The following BTBD18 variants were observed in gnomAD, a reference collection of about 807,000 sequenced individuals.
BTBD18 encodes BTB/POZ domain-containing protein 18.
For missense variants in BTBD18, 787 were observed against 846.3 expected, an observed-to-expected ratio of 0.93 and a Z score of 0.87; for synonymous variants, 311 against 324.4, an observed-to-expected ratio of 0.96 and a Z score of 0.44.
chr11:57,744,240 T>C lies in BTBD18; in HGVS notation c.2033A>G (p.Asp678Gly). ...LPASSEEEEI[D>G]VVDWTAEGRL... The stretch of plus-strand genomic sequence containing the variant: ...CCCCTCTGCTGTCCAGTCCACCACA[T>C]CAATCTCTTCCTCTTCAGAGCTGGC... The change falls in exon 3 of 3, where the codon GAT (aspartate) becomes GGT (glycine). Residue 678 changes from aspartate (D) to glycine (G), a missense_variant. Asp to Gly is a moderately conservative substitution (Grantham distance 94). Coordinates refer to ENST00000422652, the MANE Select transcript of BTBD18 (RefSeq NM_001145101.3). 6.4e-7 allele frequency: 1 copy of C among 1,551,652 alleles called. No homozygotes were observed. Among genetic ancestry groups the C allele is most frequent in the East Asian group, 2.4e-5 (1 of 40,906 alleles).
chr11:57,747,277 C>G (rs1242646175), intron 2 of BTBD18, among the ~76,000 whole-genome samples: 2 of 152,176 alleles, frequency 1.3e-5, no homozygotes, highest in African/African-American at 2.4e-5. Context: ...AGATCTCTTT[C>G]CTGAGGGAGT....
At position 57,744,919 on chromosome 11, in the gene BTBD18, G is replaced by A; in HGVS notation, c.1354C>T (p.Leu452=). 6.4e-7 allele frequency: 1 copy of A among 1,551,556 alleles called. No individual in the cohort carries two copies. The highest frequency in any genetic ancestry group is 1.2e-5 in the South Asian group (1 of 84,038). ...VKSEFESSPE[L]VEKEPMLAID... The stretch of plus-strand genomic sequence containing the variant: ...GCCAACATAGGTTCCTTCTCTACCA[G>A]TTCTGGACTGGACTCAAACTCTGAC... Residue 452 remains leucine (L), a synonymous_variant, in exon 3 of 3, where the codon CTG becomes TTG. Transcript: ENST00000422652.
In BTBD18 at chr11:57,745,355, T is replaced by G; in HGVS notation, c.918A>C (p.Glu306Asp). 6.4e-7 allele frequency: 1 copy of G among 1,551,710 alleles called. No individual in the cohort carries two copies. The highest frequency in any genetic ancestry group is 1.4e-5 in the African/African-American group (1 of 73,152). ...CTGGTTTTGGCTTGTCCTCTGGTGT[T>G]TCTTTATTTACACTCCTCTGCCGCC... is the stretch of plus-strand genomic sequence containing the variant. ...RLWRQRSVNK[E>D]TPEDKPKPGR... The change falls in exon 3 of 3, where the codon GAA (glutamate) becomes GAC (aspartate). Residue 306 changes from glutamate to aspartate, a missense_variant. Glu to Asp is a conservative substitution (Grantham distance 45). Coordinates refer to ENST00000422652, the MANE Select transcript of BTBD18 (RefSeq NM_001145101.3).
chr11:57,746,963 C>T (rs938024609), intron 2 of BTBD18, among the ~76,000 whole-genome samples: 1 of 152,210 alleles, frequency 6.6e-6, no homozygotes, highest in African/African-American at 2.4e-5. Context: ...ACAAGGACCA[C>T]GTCTGTCTTT....
chr11:57,744,390 G>C lies in BTBD18; in HGVS notation c.1883C>G (p.Pro628Arg). Residue 628 changes from proline to arginine, a missense_variant, in exon 3 of 3, where the codon CCT becomes CGT. Pro to Arg is a moderately radical substitution (Grantham distance 103). Transcript: ENST00000422652. Reference sequence around the variant, plus strand: ...AGTCTCCACCCAGTTTGAGCAGGGAGGTGAGAGGTCCCCATAAGACCTCTG... The same window carrying C: ...AGTCTCCACCCAGTTTGAGCAGGGACGTGAGAGGTCCCCATAAGACCTCTG... The part of the protein sequence containing the change: ...TPQRSYGDLS[P>R]PCSNWVETGL... 6.4e-7 allele frequency: 1 copy of C among 1,551,696 alleles called. No homozygotes were observed. Among genetic ancestry groups the C allele is most frequent in the Non-Finnish European group, 8.7e-7 (1 of 1,146,976 alleles).
chr11:57,752,893 C>A (rs1329185098), upstream of BTBD18, among the ~76,000 whole-genome samples: 5 of 152,330 alleles, frequency 3.3e-5, no homozygotes, highest in East Asian at 9.6e-4. Flanking sequence ...GCGCCCTGGC[C>A]CAACTCCTTT....
intron 2 of BTBD18, among the ~76,000 whole-genome samples, chr11:57,749,505 T>TG (rs1949258343): frequency 6.6e-6 from 1 of 152,116 alleles, no homozygotes; most frequent in South Asian, 2.1e-4. Flanking sequence ...TCCCAGCACT[T>TG]TGAGAGGCCA....
In BTBD18 at chr11:57,745,095, A is replaced by G; in HGVS notation, c.1178T>C (p.Phe393Ser). ...TGGCTGAGTTCCTGAAGGCTCTTGG[A>G]AGTCTCCTCCGGGATCTGGGATCTG... ...SPQIPDPGGD[F>S]QEPSGTQPFS... The change falls in exon 3 of 3, where the codon TTC becomes TCC. Residue 393 changes from phenylalanine (F) to serine (S), a missense_variant. By Grantham distance (155) the Phe-to-Ser change is radical (BLOSUM62 -2). Transcript: ENST00000422652. 6.4e-7 allele frequency: 1 copy of G among 1,551,662 alleles called. No homozygotes were observed. The highest frequency in any genetic ancestry group is 8.7e-7 in the Non-Finnish European group (1 of 1,146,966).
At position 57,745,591 on chromosome 11, in the gene BTBD18, T is replaced by C; in HGVS notation, c.682A>G (p.Ser228Gly). ...QEKNSSPSSHSQEPRENKNDT... is the reference protein window; with the variant it reads ...QEKNSSPSSHGQEPRENKNDT... ...TTCTTGTTCTCTCTAGGCTCTTGAC[T>C]ATGGCTTGATGGTGAAGAGTTTTTT... The change falls in exon 3 of 3, where the codon AGT becomes GGT. Residue 228 changes from serine (S) to glycine (G), a missense_variant. By Grantham distance (56) the Ser-to-Gly change is moderately conservative (BLOSUM62 0). Coordinates refer to ENST00000422652, the MANE Select transcript of BTBD18 (RefSeq NM_001145101.3). The C allele has an allele frequency of 6.4e-7, 1 of 1,551,600 alleles. No homozygotes were observed. The highest frequency in any genetic ancestry group is 8.7e-7 in the Non-Finnish European group (1 of 1,146,972).
In BTBD18 at chr11:57,745,182, A is replaced by G; in HGVS notation, c.1091T>C (p.Val364Ala). The G allele has an allele frequency of 6.4e-7, 1 of 1,551,660 alleles. No individual in the cohort carries two copies. The highest frequency in any genetic ancestry group is 8.7e-7 in the Non-Finnish European group (1 of 1,146,980). The change falls in exon 3 of 3, where the codon GTC becomes GCC. Residue 364 changes from valine to alanine, a missense_variant. Val to Ala is a moderately conservative substitution (Grantham distance 64). Coordinates refer to ENST00000422652, the MANE Select transcript of BTBD18 (RefSeq NM_001145101.3). ...QVGRVKLRKIVNGTCWEVVQE... is the reference protein window; with the variant it reads ...QVGRVKLRKIANGTCWEVVQE... ...TACCACTTCCCAGCAAGTCCCATTG[A>G]CAATCTTCCTAAGTTTAACTCTCCC...
upstream of BTBD18, among the ~76,000 whole-genome samples, chr11:57,752,759 G>A (rs1002252301): frequency 2.0e-5 from 3 of 152,244 alleles, no homozygotes; most frequent in Non-Finnish European, 4.4e-5. Flanking sequence ...GCTGAGCAAA[G>A]ATGCGCAGGT....
At chr11:57,753,105 G>C (rs1408831889), upstream of BTBD18, 1 of 150,778 alleles carries the variant, frequency 6.6e-6, no homozygotes, top group Non-Finnish European at 1.5e-5. Context: ...CACGCGGCCA[G>C]CGCCACACAC....
Position 57,744,527 on chromosome 11 carries a change from ACTCAC to A in BTBD18, c.1741_1745del (p.Val581Ter). 3 of 1,551,430 alleles carry A rather than the reference ACTCAC, an allele frequency of 1.9e-6. No homozygotes were observed. The highest frequency in any genetic ancestry group is 2.6e-6 in the Non-Finnish European group (3 of 1,146,912). On this transcript the variant is annotated frameshift_variant, in exon 3 of 3. Coordinates refer to ENST00000422652, the MANE Select transcript of BTBD18 (RefSeq NM_001145101.3). LOFTEE classifies it low-confidence loss of function (END_TRUNC). Reference sequence around the variant, plus strand: ...AACGGCCTCCTACTGAAAGCACTTCACTCACCTCAGAGGGCATGACAAGGGGGCTA... The same window carrying A: ...AACGGCCTCCTACTGAAAGCACTTCACTCAGAGGGCATGACAAGGGGGCTA...
rs528515713 is a variant in BTBD18, at chr11:57,751,145, C to T, written c.44G>A (p.Arg15Gln). 1.8e-5 allele frequency: 28 copies of T among 1,550,202 alleles called. No individual in the cohort carries two copies. Among genetic ancestry groups the T allele is most frequent in the African/African-American group, 2.7e-5 (2 of 73,070 alleles). The part of the protein sequence containing the change: ...ASPKILYRNP[R>Q]FLRLAFLQLH... ...CTGCAGAAAAGCTAACCTGAGGAAC[C>T]GGGGGTTCCTGTATAGGATTTTGGG... Residue 15 changes from arginine to glutamine, a missense_variant, in exon 2 of 3, where the codon CGG becomes CAG. Coordinates refer to ENST00000422652, the MANE Select transcript of BTBD18 (RefSeq NM_001145101.3).
rs1193420805 is a variant in BTBD18 at position 57,751,178 on chromosome 11, G to A, written c.11C>T (p.Pro4Leu). MCSPASPKILYRNP... is the reference protein window; with the variant it reads MCSLASPKILYRNP... ...CCTGTATAGGATTTTGGGACTGGCA[G>A]GAGAGCACATGTTGGCAAGAGTCTT... Residue 4 changes from proline to leucine, a missense_variant, in exon 2 of 3, where the codon CCT (proline) becomes CTT (leucine). Coordinates refer to ENST00000422652, the MANE Select transcript of BTBD18 (RefSeq NM_001145101.3). The A allele has an allele frequency of 4.5e-6, 7 of 1,542,056 alleles. No individual in the cohort carries two copies. The highest frequency in any genetic ancestry group is 6.1e-6 in the Non-Finnish European group (7 of 1,143,888).
Position 57,745,494 on chromosome 11 carries a change from G to A in BTBD18, c.779C>T (p.Pro260Leu). Residue 260 changes from proline (P) to leucine (L), a missense_variant, in exon 3 of 3, where the codon CCC (proline) becomes CTC (leucine). Pro to Leu is a moderately conservative substitution (Grantham distance 98). Transcript: ENST00000422652. Reference protein sequence around the residue: ...LYPSVDKHLLPRKIRLSRSKP... With the variant: ...LYPSVDKHLLLRKIRLSRSKP... The stretch of plus-strand genomic sequence containing the variant: ...TGAGCGACTGAGCCTGATCTTTCTG[G>A]GCAACAGGTGTTTGTCCACAGAGGG... 6.5e-7 allele frequency: 1 copy of A among 1,549,732 alleles called. No homozygotes were observed. The highest frequency in any genetic ancestry group is 8.7e-7 in the Non-Finnish European group (1 of 1,146,988).
Position 57,746,151 on chromosome 11 carries a change from G to A in BTBD18, c.125-3C>T. On this transcript the variant is annotated splice_polypyrimidine_tract_variant and splice_region_variant and intron_variant, in intron 2 of 2. Transcript: ENST00000422652. ...GCAGTGAGCTGGAACTGCCTCACCT[G>A]AAGGGAAACCCAAATACTTTTGTTA... The A allele has an allele frequency of 6.5e-7, 1 of 1,534,242 alleles. No homozygotes were observed. Among genetic ancestry groups the A allele is most frequent in the Non-Finnish European group, 8.8e-7 (1 of 1,138,668 alleles).
chr11:57,744,249 T>C lies in BTBD18; in HGVS notation c.2024A>G (p.Glu675Gly), dbSNP rs956149466. Residue 675 changes from glutamate to glycine, a missense_variant, in exon 3 of 3, where the codon GAA becomes GGA. Physicochemically the swap from Glu to Gly is moderately conservative, Grantham distance 98 (BLOSUM62 -2). Coordinates refer to ENST00000422652, the MANE Select transcript of BTBD18 (RefSeq NM_001145101.3). ...TGTCCAGTCCACCACATCAATCTCT[T>C]CCTCTTCAGAGCTGGCAGGAAGTGA... Reference protein sequence around the residue: ...LGSLPASSEEEEIDVVDWTAE... With the variant: ...LGSLPASSEEGEIDVVDWTAE... 1 of 1,551,468 alleles carries C rather than the reference T, an allele frequency of 6.4e-7. No homozygotes were observed. The highest frequency in any genetic ancestry group is 1.4e-5 in the African/African-American group (1 of 72,988).
chr11:57,745,018 C>G lies in BTBD18; in HGVS notation c.1255G>C (p.Asp419His). Residue 419 changes from aspartate (D) to histidine (H), a missense_variant, in exon 3 of 3, where the codon GAC (aspartate) becomes CAC (histidine). By Grantham distance (81) the Asp-to-His change is moderately conservative. Transcript: ENST00000422652. ...TGTAGCTTAGTGCACATGGGGGAGTCCTGACACAGTTCTGTTCTAGTAGGT... is the reference window on the plus strand; with the variant it reads ...TGTAGCTTAGTGCACATGGGGGAGTGCTGACACAGTTCTGTTCTAGTAGGT... Reference protein sequence around the residue: ...MSPTRTELCQDSPMCTKLQDI... With the variant: ...MSPTRTELCQHSPMCTKLQDI... 6.4e-7 allele frequency: 1 copy of G among 1,551,602 alleles called. No homozygotes were observed. Among genetic ancestry groups the G allele is most frequent in the South Asian group, 1.2e-5 (1 of 84,050 alleles).
Sources: allele counts gnomAD v4.1 joint callset (sites outside exome capture counted in the v4.1 genomes callset), GRCh38; gene constraint gnomAD v4.1.1; transcripts MANE v1.5; gene names NCBI Gene and HGNC (gene_info 2026-07-23, HGNC 2026-07-21).